Variants in FBLN5 observed in about 807,000 individuals in gnomAD.
FBLN5 encodes the protein fibulin-5.
Under a neutral mutation model 61.6 loss-of-function variants are expected in FBLN5, and 24 were observed. The observed-to-expected ratio is 0.39, with a 90% CI of 0.28 to 0.55. The LOEUF is 0.55. FBLN5 is among the 20% of genes least tolerant of loss of function. FBLN5 has a pLI of 0.65. For missense variants in FBLN5, 470 were observed against 594.1 expected (o/e 0.79, Z 2.17); for synonymous variants, 213 against 219.8 (o/e 0.97, Z 0.27).
At chr14:91,940,277 T>G (rs560381507) in intron 3 of FBLN5, among the ~76,000 whole-genome samples, 1 of 152,300 alleles carries the variant, frequency 6.6e-6, no homozygotes, top group African/African-American at 2.4e-5. Context: ...CTGGTGTTGT[T>G]TAAGCCACTA....
chr14:91,892,797 AACAG>A (rs1890048403), intron 5 of FBLN5, among the ~76,000 whole-genome samples: 1 of 152,234 alleles, frequency 6.6e-6, no homozygotes, highest in Admixed American at 6.5e-5. Flanking sequence ...TGGTACACAG[AACAG>A]ACAGTGTGTG....
intron 4 of FBLN5, among the ~76,000 whole-genome samples, chr14:91,906,316 T>C (rs1178925045): frequency 3.3e-5 from 5 of 151,736 alleles, no homozygotes; most frequent in African/African-American, 1.2e-4. Flanking sequence ...TAGCAGAAAA[T>C]AGTGTGGAGG....
intron 4 of FBLN5, among the ~76,000 whole-genome samples, chr14:91,915,423 C>T (rs972713402): frequency 2.6e-5 from 4 of 152,046 alleles, no homozygotes; most frequent in African/African-American, 7.2e-5. Context: ...CGGTGGCTCA[C>T]GCCTGTAATC....
intron 4 of FBLN5, among the ~76,000 whole-genome samples, chr14:91,916,674 G>C (rs982813084): frequency 5.3e-5 from 8 of 152,178 alleles, no homozygotes; most frequent in Non-Finnish European, 1.5e-5. Flanking sequence ...TCATGGAAGG[G>C]TGTGTGTATG....
intron 1 of FBLN5, among the ~76,000 whole-genome samples, chr14:91,945,366 C>T (rs2056168397): frequency 6.6e-6 from 1 of 152,016 alleles, no homozygotes; most frequent in Admixed American, 6.5e-5. Flanking sequence ...AACTGTGAAA[C>T]AACCACTACC....
intron 4 of FBLN5, among the ~76,000 whole-genome samples, chr14:91,913,572 T>C (rs953237076): frequency 4.6e-5 from 7 of 152,186 alleles, no homozygotes; most frequent in African/African-American, 1.7e-4. Context: ...ATATTTCCAG[T>C]GCCCATTTGT....
chr14:91,909,311 G>A (rs1199544880), intron 4 of FBLN5, among the ~76,000 whole-genome samples: 3 of 152,164 alleles, frequency 2.0e-5, no homozygotes, highest in African/African-American at 7.2e-5. Flanking sequence ...TGAGTGATGC[G>A]AGGGCAGGAA....
In FBLN5 at chr14:91,947,118, C is replaced by CG; in HGVS notation, c.17+94dup. 8.2e-6 allele frequency: 13 copies of CG among 1,581,404 alleles called. No homozygotes were observed. The South Asian group carries it at 1.5e-4, about 18-fold the overall frequency. On this transcript the variant is annotated intron_variant, in intron 1 of 10. Coordinates refer to ENST00000342058, the MANE Select transcript of FBLN5 (RefSeq NM_006329.4). The surrounding 1 kb of genome is among the most constrained non-coding windows in gnomAD (Gnocchi z 4.3). The stretch of plus-strand genomic sequence containing the variant: ...CATGCCTTTTCCAATATCCTGACAC[C>CG]GCCTGAATCGCAGCCATAACCATTT...
intron 4 of FBLN5, among the ~76,000 whole-genome samples, chr14:91,913,866 C>T (rs1320694918): frequency 6.6e-6 from 1 of 152,066 alleles, no homozygotes; most frequent in Non-Finnish European, 1.5e-5. Context: ...AGAAACTCAC[C>T]ACTAAATAAA....
At chr14:91,928,084 C>G (rs1004865001) in intron 4 of FBLN5, among the ~76,000 whole-genome samples, 2 of 152,224 alleles carry the variant, frequency 1.3e-5, no homozygotes, top group African/African-American at 4.8e-5. Context: ...CCAAAGCCAT[C>G]TACCACTGAG....
chr14:91,880,491 G>A (rs1889373719), intron 9 of FBLN5, among the ~76,000 whole-genome samples: 1 of 151,872 alleles, frequency 6.6e-6, no homozygotes, highest in African/African-American at 2.4e-5. Context: ...GGCATGAGTA[G>A]CGGAGTGATA....
At chr14:91,899,161 T>TGC (rs1219869959) in intron 4 of FBLN5, among the ~76,000 whole-genome samples, 2 of 151,926 alleles carry the variant, frequency 1.3e-5, no homozygotes, top group Non-Finnish European at 2.9e-5. Flanking sequence ...TGTGTGTGTG[T>TGC]GTCCTCCCCA....
At chr14:91,915,449 G>T in intron 4 of FBLN5, among the ~76,000 whole-genome samples, 1 of 151,976 alleles carries the variant, frequency 6.6e-6, no homozygotes. Context: ...ACTTTGGGAG[G>T]CCAAGGCGGG....
At chr14:91,895,970 A>G (rs1890208702) in intron 4 of FBLN5, among the ~76,000 whole-genome samples, 1 of 152,052 alleles carries the variant, frequency 6.6e-6, no homozygotes, top group Non-Finnish European at 1.5e-5. Context: ...AAGTCTCTCT[A>G]TGCTGCTCTA....
intron 4 of FBLN5, among the ~76,000 whole-genome samples, chr14:91,919,583 G>C (rs1332493863): frequency 1.3e-5 from 2 of 152,166 alleles, no homozygotes; most frequent in African/African-American, 4.8e-5. Flanking sequence ...TGGGGACAGG[G>C]TCTTCAAAGA....
At chr14:91,887,368 A>G in intron 6 of FBLN5, 56 bp from the exon 7 acceptor site, 1 of 1,594,226 alleles carries the variant, frequency 6.3e-7, no homozygotes, top group Non-Finnish European at 8.6e-7. Flanking sequence ...AGCCACAATA[A>G]CTAGGCAGAA....
At chr14:91,894,428 C>CAAAAAAAAAAAACA (rs1491576623) in intron 5 of FBLN5, among the ~76,000 whole-genome samples, 1 of 72,600 alleles carries the variant, frequency 1.4e-5, no homozygotes, top group Non-Finnish European at 2.5e-5. Context: ...AAAAAAAAAA[C>CAAAAAAAAAAAACA]CGAAAAAAAC....
chr14:91,909,803 T>C (rs942633781), intron 4 of FBLN5, among the ~76,000 whole-genome samples: 4 of 152,134 alleles, frequency 2.6e-5, no homozygotes, highest in Admixed American at 6.5e-5. Context: ...TGTTCAGTTA[T>C]AGCAACACCA....
At chr14:91,894,415 A>AAAAAAAAAAAAAAAAG in intron 5 of FBLN5, among the ~76,000 whole-genome samples, 1 of 146,614 alleles carries the variant, frequency 6.8e-6, no homozygotes, top group Non-Finnish European at 1.5e-5. Context: ...AAAAAAAAAA[A>AAAAAAAAAAAAAAAAG]AAAAAAAAAA....
Sources: gnomAD v4.1 joint callset for allele counts (sites outside exome capture counted in the v4.1 genomes callset) on GRCh38, gnomAD v4.1.1 for gene constraint, Gnocchi (gnomAD v3.1) non-coding constraint, MANE v1.5 for transcripts, NCBI Gene and HGNC (gene_info 2026-07-23, HGNC 2026-07-21) for gene names.